SARM1: variants seen among roughly 807,000 people sequenced by gnomAD.
The protein encoded by SARM1 is sterile alpha and TIR motif containing 1, also known as NAD(+) hydrolase SARM1.
A neutral mutation model predicts 65.1 loss-of-function variants in SARM1; 60 were observed. The observed-to-expected ratio is 0.92, with a 90% confidence interval of 0.75 to 1.14. The LOEUF is 1.14. Among genes scored for constraint, SARM1 ranks in the 50% most tolerant of loss-of-function variants. SARM1 has a pLI of 0.00. For missense variants in SARM1, 913 were observed against 1,015.7 expected (o/e 0.90, Z 1.37); for synonymous variants, 417 against 465.4 (o/e 0.90, Z 1.34).
intron 5 of SARM1, chr17:28,386,815 C>T (rs569677221): frequency 6.6e-6 from 1 of 152,350 alleles, no homozygotes; most frequent in East Asian, 1.9e-4. Flanking sequence ...TCACAACCCA[C>T]TGAAGCCTCA....
intron 5 of SARM1, among the ~76,000 whole-genome samples, chr17:28,386,149 C>CA (rs1181354366): frequency 6.6e-6 from 1 of 151,936 alleles, no homozygotes; most frequent in Non-Finnish European, 1.5e-5. Context: ...CAAAAAAATA[C>CA]AAAAAATTAG....
intron 7 of SARM1, 93 bp downstream of exon 7, chr17:28,388,632 GCA>G: frequency 7.5e-7 from 1 of 1,327,846 alleles, no homozygotes; most frequent in Non-Finnish European, 1.0e-6. Context: ...GCACATCCCG[GCA>G]CACTTAGCCC....
intron 7 of SARM1, among the ~76,000 whole-genome samples, chr17:28,389,712 C>T (rs1555586624): frequency 6.6e-6 from 1 of 152,106 alleles, no homozygotes; most frequent in African/African-American, 2.4e-5. Context: ...ATGGTGAAAC[C>T]TTGTCTCTAC....
In SARM1 at chr17:28,372,059, C is replaced by T. The variant is rs2067958383; in HGVS notation, c.27C>T (p.Ala9=). Residue 9 remains alanine (A), a synonymous_variant, in exon 1 of 9, where the codon GCC becomes GCT. Transcript: ENST00000585482. The surrounding 1 kb of genome is among the most constrained non-coding windows in gnomAD (Gnocchi z 5.2). ...TGGTCCTGACGCTGCTTCTCTCCGC[C>T]TACAAGCTGTGTCGCTTCTTCGCCA... is the stretch of plus-strand genomic sequence containing the variant. MVLTLLLS[A]YKLCRFFAMS... is the part of the protein sequence containing the mutation. 1 of 1,505,860 alleles carries T rather than the reference C, an allele frequency of 6.6e-7. No individual in the cohort carries two copies. The highest frequency in any genetic ancestry group is 8.8e-7 in the Non-Finnish European group (1 of 1,133,916). The allele number at this position is 1,505,860 out of a possible 1,614,324, so 93.3% of individuals were successfully genotyped here.
intron 1 of SARM1, among the ~76,000 whole-genome samples, chr17:28,376,338 C>T (rs1279861252): frequency 7.4e-6 from 1 of 135,608 alleles, no homozygotes; most frequent in Non-Finnish European, 1.5e-5. Context: ...GCAGGCGAAT[C>T]GTTTGAGGTC....
At chr17:28,380,637 C>CA (rs1213178041) in intron 1 of SARM1, among the ~76,000 whole-genome samples, 2 of 152,214 alleles carry the variant, frequency 1.3e-5, no homozygotes, top group African/African-American at 2.4e-5. Flanking sequence ...ATGCCCCGGT[C>CA]ATGGGCCATG....
rs368957811 is a variant in SARM1, at chr17:28,388,289, G to A, written c.1733+13G>A. 8.9e-4 allele frequency: 1,402 copies of A among 1,567,464 alleles called. 23 individuals are homozygous for A. The South Asian group carries it at 0.014, about 15-fold the overall frequency. ...CCCAGCTGGCCAGGTGAGGAGGGGC[G>A]GGCGGGCAGCGACGGGGCGTGGGGA... On this transcript the variant is annotated intron_variant, in intron 6 of 8. Coordinates refer to ENST00000585482, the MANE Select transcript of SARM1 (RefSeq NM_015077.4).
chr17:28,372,541 G>T lies in SARM1; in HGVS notation c.470+39G>T, dbSNP rs2067964392. On this transcript the variant is annotated intron_variant, in intron 1 of 8. Coordinates refer to ENST00000585482, the MANE Select transcript of SARM1 (RefSeq NM_015077.4). The surrounding 1 kb of genome is among the most constrained non-coding windows in gnomAD (Gnocchi z 5.2). The stretch of plus-strand genomic sequence containing the variant: ...GCCGGGGTTGGGAGAGCGCCGCGTG[G>T]TGTGGACAGTTAAGCGCCTGCGTTC... 9 of 1,466,326 alleles carry T rather than the reference G, an allele frequency of 6.1e-6. No homozygotes were observed. The East Asian group carries it at 2.5e-4, about 41-fold the overall frequency. The allele number at this position is 1,466,326 out of a possible 1,614,324, so 90.8% of individuals were successfully genotyped here.
rs1387150811 is a variant in SARM1, at chr17:28,372,486, C to T, written c.454C>T (p.Leu152=). The change falls in exon 1 of 9, where the codon CTG becomes TTG. Residue 152 remains leucine, a synonymous_variant. Transcript: ENST00000585482. The surrounding 1 kb of genome is among the most constrained non-coding windows in gnomAD (Gnocchi z 5.2). ...GGCCGCGCGCCTGCTGGAGCAGATC[C>T]TGGTGGCTGAGAACCGGTGAGCGCG... is the stretch of plus-strand genomic sequence containing the variant. ...VQAARLLEQI[L]VAENRDRVAR... 6.5e-7 allele frequency: 1 copy of T among 1,529,172 alleles called. No homozygotes were observed. The highest frequency in any genetic ancestry group is 2.0e-5 in the Admixed American group (1 of 50,802). 94.7% of individuals were successfully genotyped at this position (1,529,172 alleles called of 1,614,324 possible).
At chr17:28,376,915 A>G (rs1555584695) in intron 1 of SARM1, among the ~76,000 whole-genome samples, 1 of 151,936 alleles carries the variant, frequency 6.6e-6, no homozygotes, top group Non-Finnish European at 1.5e-5. Context: ...TCAGCCTCCC[A>G]AGTAGCTGGG....
Position 28,395,967 on chromosome 17 carries a change from GCCTGAGCCCCAGGTCCTGC to G in SARM1, c.1988_2006del (p.Pro663LeufsTer75), listed in dbSNP as rs1555587762. Reference sequence around the variant, plus strand: ...TGCCCATCATTGATGGCTTCGAGTGGCCTGAGCCCCAGGTCCTGCCTGAGGACATGCAGGCTGTGCTTAC... The same window carrying G: ...TGCCCATCATTGATGGCTTCGAGTGGCTGAGGACATGCAGGCTGTGCTTAC... On this transcript the variant is annotated frameshift_variant, in exon 8 of 9. Transcript: ENST00000585482. LOFTEE classifies it high-confidence loss of function. 6.2e-7 allele frequency: 1 copy of G among 1,613,980 alleles called. No individual in the cohort carries two copies. Among genetic ancestry groups the G allele is most frequent in the East Asian group, 2.2e-5 (1 of 44,870 alleles).
Position 28,385,422 on chromosome 17 carries a change from A to G in SARM1, c.1630+147A>G. 1.6e-6 allele frequency: 1 copy of G among 644,248 alleles called. No homozygotes were observed. Among genetic ancestry groups the G allele is most frequent in the East Asian group, 2.8e-5 (1 of 35,386 alleles). The allele number at this position is 644,248 out of a possible 1,614,324, so 39.9% of individuals were successfully genotyped here. On this transcript the variant is annotated intron_variant, in intron 5 of 8. Transcript: ENST00000585482. This position sits in a 1 kb window ranked among gnomAD's most constrained non-coding sequence, Gnocchi z 4.5. ...GGTCACACTGGGCTCTGAGGATGTAAAGATGAATACGTTGCACTTTACCTC... is the reference window on the plus strand; with the variant it reads ...GGTCACACTGGGCTCTGAGGATGTAGAGATGAATACGTTGCACTTTACCTC...
chr17:28,403,591 G>A lies in SARM1; in HGVS notation c.*7305G>A, dbSNP rs1555590115. On this transcript the variant is annotated 3_prime_UTR_variant, in exon 9 of 9. Coordinates refer to ENST00000585482, the MANE Select transcript of SARM1 (RefSeq NM_015077.4). ...TCTGCATCCCCCAGGGCCATCAGCA[G>A]GAGGGAAAGGTTCCCTTCTGCTTAA... The A allele has an allele frequency of 6.6e-6, 1 of 152,160 alleles. No homozygotes were observed. The highest frequency in any genetic ancestry group is 1.5e-5 in the Non-Finnish European group (1 of 68,052). The allele number at this position is 152,160 out of a possible 1,614,324, so 9.4% of individuals were successfully genotyped here.
At position 28,381,603 on chromosome 17, in the gene SARM1, G is replaced by A. The variant is rs1567806862; in HGVS notation, c.871G>A (p.Gly291Ser). The A allele has an allele frequency of 3.2e-6, 5 of 1,585,360 alleles. No homozygotes were observed. Among genetic ancestry groups the A allele is most frequent in the Non-Finnish European group, 4.3e-6 (5 of 1,166,946 alleles). The change falls in exon 2 of 9, where the codon GGC becomes AGC. Residue 291 changes from glycine to serine, a missense_variant. Physicochemically the swap from Gly to Ser is moderately conservative, Grantham distance 56. Coordinates refer to ENST00000585482, the MANE Select transcript of SARM1 (RefSeq NM_015077.4). ...GGTGGAGCGCGAGGTGGAGCGCTCGGGCACGCTGGCGCTCGTGGAGCCGCT... is the reference window on the plus strand; with the variant it reads ...GGTGGAGCGCGAGGTGGAGCGCTCGAGCACGCTGGCGCTCGTGGAGCCGCT... The part of the protein sequence containing the change: ...KEVEREVERS[G>S]TLALVEPLVA...
Position 28,372,512 on chromosome 17 carries a change from C to T in SARM1, c.470+10C>T, listed in dbSNP as rs1481467972. ...TGGTGGCTGAGAACCGGTGAGCGCG[C>T]CAGGCCGGGGTTGGGAGAGCGCCGC... On this transcript the variant is annotated intron_variant, in intron 1 of 8. Transcript: ENST00000585482. The surrounding 1 kb of genome is among the most constrained non-coding windows in gnomAD (Gnocchi z 5.2). 5.6e-5 allele frequency: 85 copies of T among 1,520,718 alleles called. No individual in the cohort carries two copies. The highest frequency in any genetic ancestry group is 6.7e-5 in the Non-Finnish European group (76 of 1,140,698). 94.2% of individuals were successfully genotyped at this position (1,520,718 alleles called of 1,614,324 possible). A position where few individuals can be genotyped will look rare whatever the true frequency, so the allele number is the denominator to read the frequency against.
rs1307126718 is a variant in SARM1, at chr17:28,385,171, G to T, written c.1526G>T (p.Gly509Val). 22 of 1,610,918 alleles carry T rather than the reference G, an allele frequency of 1.4e-5. No homozygotes were observed. The highest frequency in any genetic ancestry group is 1.8e-5 in the Non-Finnish European group (21 of 1,179,206). ...TACACCTACGGCCTGGTCAGCTGCGGCCTGGACCGCTCCCTGCTGCACCGC... is the reference window on the plus strand; with the variant it reads ...TACACCTACGGCCTGGTCAGCTGCGTCCTGGACCGCTCCCTGCTGCACCGC... ...RQYTYGLVSC[G>V]LDRSLLHRVS... Residue 509 changes from glycine (G) to valine (V), a missense_variant, in exon 5 of 9, where the codon GGC (glycine) becomes GTC (valine). By Grantham distance (109) the Gly-to-Val change is moderately radical. Transcript: ENST00000585482. The surrounding 1 kb of genome is among the most constrained non-coding windows in gnomAD (Gnocchi z 4.5).
At chr17:28,374,702 C>T (rs902873332) in intron 1 of SARM1, among the ~76,000 whole-genome samples, 4 of 152,106 alleles carry the variant, frequency 2.6e-5, no homozygotes, top group African/African-American at 9.7e-5. Context: ...TCTGGGCAAG[C>T]ATGGTGGTTC....
In SARM1 at chr17:28,396,287, C is replaced by A; in HGVS notation, c.*1C>A. On this transcript the variant is annotated 3_prime_UTR_variant, in exon 9 of 9. Transcript: ENST00000585482. ...TGCTGCACCCATGGGTCCAACCTAA[C>A]CAGTCCCCAGTTCCCCAGCCCTGCT... is the stretch of plus-strand genomic sequence containing the variant. The A allele has an allele frequency of 6.2e-7, 1 of 1,613,902 alleles. No homozygotes were observed. The highest frequency in any genetic ancestry group is 1.3e-5 in the African/African-American group (1 of 75,068).
Position 28,385,960 on chromosome 17 carries a change from A to G in SARM1, c.1630+685A>G, listed in dbSNP as rs2068048444. ...AATGAGTGTTCAGTTTTTAAAATCA[A>G]CCTTAAAGAACTCTTGAAAGAATAA... is the stretch of plus-strand genomic sequence containing the variant. On this transcript the variant is annotated intron_variant, in intron 5 of 8. Transcript: ENST00000585482. The surrounding 1 kb of genome is among the most constrained non-coding windows in gnomAD (Gnocchi z 4.5). 6.6e-6 allele frequency among the ~76,000 whole-genome samples: 1 copy of G among 152,144 alleles called. No homozygotes were observed. The highest frequency in any genetic ancestry group is 2.1e-4 in the South Asian group (1 of 4,828).
Sources: gnomAD v4.1 joint callset for allele counts (sites outside exome capture counted in the v4.1 genomes callset) on GRCh38, gnomAD v4.1.1 for gene constraint, Gnocchi (gnomAD v3.1) non-coding constraint, MANE v1.5 for transcripts, NCBI Gene and HGNC (gene_info 2026-07-23, HGNC 2026-07-21) for gene names.